Variants in GGH observed in about 807,000 individuals in gnomAD.
GGH encodes gamma-Glu-X carboxypeptidase.
GGH carries 18 observed loss-of-function variants against 39.2 expected under a neutral mutation model. The ratio of observed to expected loss-of-function variants is 0.46; its 90% CI spans 0.32 to 0.68. The LOEUF is 0.68. GGH is among the 30% of genes least tolerant of loss of function. The pLI, the probability that GGH is intolerant of heterozygous loss-of-function variation, is 0.04. For synonymous variants in GGH, 147 were observed against 138.8 expected (o/e 1.06, Z -0.42); for missense variants, 367 against 384.1 (o/e 0.96, Z 0.37).
chr8:63,034,669 C>T (rs1448710573), intron 2 of GGH, among the ~76,000 whole-genome samples: 3 of 152,138 alleles, frequency 2.0e-5, no homozygotes, highest in Non-Finnish European at 4.4e-5. Flanking sequence ...CTTATAGGAA[C>T]ATTTTATCAC....
chr8:63,022,624 G>A (rs1003629550), intron 7 of GGH, among the ~76,000 whole-genome samples: 7 of 150,700 alleles, frequency 4.6e-5, no homozygotes, highest in African/African-American at 9.7e-5. Flanking sequence ...GCACAATCTC[G>A]ACTCATTGCA....
intron 2 of GGH, among the ~76,000 whole-genome samples, chr8:63,035,038 A>G (rs1804876729): frequency 1.3e-5 from 2 of 151,364 alleles, no homozygotes; most frequent in Admixed American, 1.3e-4. Flanking sequence ...CGCCCCCCCA[A>G]CCACTTTAGA....
intron 2 of GGH, among the ~76,000 whole-genome samples, chr8:63,031,638 C>G (rs1033266912): frequency 6.6e-6 from 1 of 152,186 alleles, no homozygotes; most frequent in South Asian, 2.1e-4. Flanking sequence ...TTCATTAATT[C>G]TAAATAAATG....
At chr8:63,026,090 T>C (rs1804677997) in intron 5 of GGH, 68 bp downstream of exon 5, 1 of 1,267,502 alleles carries the variant, frequency 7.9e-7, no homozygotes, top group Non-Finnish European at 1.1e-6. Context: ...CACTTTTACT[T>C]TCATATTTGC....
rs777921792 is a variant in GGH, at chr8:63,026,185, C to A, written c.472G>T (p.Val158Leu). 1.9e-6 allele frequency: 3 copies of A among 1,605,584 alleles called. No individual in the cohort carries two copies. Among genetic ancestry groups the A allele is most frequent in the South Asian group, 1.1e-5 (1 of 88,718 alleles). Residue 158 changes from valine (V) to leucine (L), a missense_variant, in exon 5 of 9, where the codon GTG becomes TTG. By Grantham distance (32) the Val-to-Leu change is conservative. Transcript: ENST00000260118. ...CCAGTGAAGTTCAGCGGCATTGCCA[C>A]GTCAACAGTATCTGTGGCAGTTAAT... ...CLLTATDTVD[V>L]AMPLNFTGGQ...
Position 63,026,222 on chromosome 8 carries a change from A to G in GGH, c.435T>C (p.Ser145=). Residue 145 remains serine, a synonymous_variant, in exon 5 of 9, where the codon AGT becomes AGC. Transcript: ENST00000260118. The stretch of plus-strand genomic sequence containing the variant: ...CTGTGGCAGTTAATAAGCACTCTCC[A>G]CTAATCAGCAGTGAAAGCTCTTCAA... ...LGFEELSLLI[S]GECLLTATDT... is the part of the protein sequence containing the mutation. 1 of 1,611,180 alleles carries G rather than the reference A, an allele frequency of 6.2e-7. No individual in the cohort carries two copies. The highest frequency in any genetic ancestry group is 8.5e-7 in the Non-Finnish European group (1 of 1,177,960).
At chr8:63,018,495 C>G (rs1804527522) in intron 7 of GGH, among the ~76,000 whole-genome samples, 1 of 152,200 alleles carries the variant, frequency 6.6e-6, no homozygotes, top group Admixed American at 6.5e-5. Context: ...AGAGCACTGT[C>G]TGTTCTCATC....
In GGH at chr8:63,023,928, C is replaced by G; in HGVS notation, c.676G>C (p.Glu226Gln). Residue 226 changes from glutamate to glutamine, a missense_variant, in exon 7 of 9, where the codon GAG (glutamate) becomes CAG (glutamine). Physicochemically the swap from Glu to Gln is conservative, Grantham distance 29. Transcript: ENST00000260118. ...ATACCTTCCATTGTTGAAATAAACTCAATCTTGCCATCTGTATTTGTAGTT... is the reference window on the plus strand; with the variant it reads ...ATACCTTCCATTGTTGAAATAAACTGAATCTTGCCATCTGTATTTGTAGTT... ...VLTTNTDGKIEFISTMEGYKY... is the reference protein window; with the variant it reads ...VLTTNTDGKIQFISTMEGYKY... The G allele has an allele frequency of 6.3e-7, 1 of 1,581,208 alleles. No individual in the cohort carries two copies. The highest frequency in any genetic ancestry group is 8.6e-7 in the Non-Finnish European group (1 of 1,157,042).
At chr8:63,031,627 T>C (rs1804807575) in intron 2 of GGH, among the ~76,000 whole-genome samples, 1 of 152,208 alleles carries the variant, frequency 6.6e-6, no homozygotes, top group Non-Finnish European at 1.5e-5. Flanking sequence ...GTTTCAGTCA[T>C]TTCATTAATT....
chr8:63,038,591 C>CGGGGG, intron 1 of GGH, 69 bp downstream of exon 1: 2 of 695,068 alleles, frequency 2.9e-6, no homozygotes, highest in Non-Finnish European at 4.2e-6. Context: ...TGGAGCGCGG[C>CGGGGG]GGCGGGAGGC....
intron 2 of GGH, among the ~76,000 whole-genome samples, chr8:63,035,308 C>A (rs1489748213): frequency 6.6e-6 from 1 of 152,008 alleles, no homozygotes. Flanking sequence ...AGATATTAGG[C>A]AGTAATTATT....
chr8:63,032,301 G>A (rs1456800289), intron 2 of GGH, among the ~76,000 whole-genome samples: 2 of 152,168 alleles, frequency 1.3e-5, no homozygotes, highest in Non-Finnish European at 2.9e-5. Flanking sequence ...CTCCCAAAGT[G>A]CTGGGATAAT....
Position 63,030,147 on chromosome 8 carries a change from A to C in GGH, c.275+20T>G, listed in dbSNP as rs1397412364. On this transcript the variant is annotated intron_variant, in intron 3 of 8. Coordinates refer to ENST00000260118, the MANE Select transcript of GGH (RefSeq NM_003878.3). ...TGTAGACCACTCATATACCGTATGAAACCAATGCTGCCAACTTACCCATTA... is the reference window on the plus strand; with the variant it reads ...TGTAGACCACTCATATACCGTATGACACCAATGCTGCCAACTTACCCATTA... 8.5e-7 allele frequency: 1 copy of C among 1,175,806 alleles called. No individual in the cohort carries two copies. 72.8% of individuals were successfully genotyped at this position (1,175,806 alleles called of 1,614,324 possible). A position where few individuals can be genotyped will look rare whatever the true frequency, so the allele number is the denominator to read the frequency against.
At chr8:63,019,048 T>C (rs369055229) in intron 7 of GGH, among the ~76,000 whole-genome samples, 9 of 152,106 alleles carry the variant, frequency 5.9e-5, no homozygotes, top group African/African-American at 1.7e-4. Flanking sequence ...GCAGAAAAAA[T>C]AGCAAATTTA....
At chr8:63,029,065 C>A (rs1804752756) in intron 3 of GGH, among the ~76,000 whole-genome samples, 1 of 152,080 alleles carries the variant, frequency 6.6e-6, no homozygotes, top group South Asian at 2.1e-4. Context: ...AAATAATTTT[C>A]TAAACATAGC....
chr8:63,033,324 G>A (rs1261388317), intron 2 of GGH, among the ~76,000 whole-genome samples: 1 of 152,154 alleles, frequency 6.6e-6, no homozygotes, highest in Non-Finnish European at 1.5e-5. Context: ...AGAAGGACTG[G>A]TATCAATTCT....
chr8:63,029,308 A>G (rs1388286295), intron 3 of GGH, among the ~76,000 whole-genome samples: 1 of 152,148 alleles, frequency 6.6e-6, no homozygotes, highest in African/African-American at 2.4e-5. Context: ...CCTTTTTCAC[A>G]TAACACTATC....
chr8:63,015,430 TA>T lies in GGH; in HGVS notation c.858del (p.Phe286LeufsTer11). ...VNEARKNNHHFKSESEEEKAL... is the reference protein window; with the variant it reads ...VNEARKNNHHXKSESEEEKAL... ...GCTTTCTCCTCTTCAGATTCAGATT[TA>T]AAATGATGGTTGTTTTTCCGAGCTG... On this transcript the variant is annotated frameshift_variant, in exon 9 of 9. Coordinates refer to ENST00000260118, the MANE Select transcript of GGH (RefSeq NM_003878.3). LOFTEE classifies it high-confidence loss of function. The T allele has an allele frequency of 6.5e-7, 1 of 1,538,222 alleles. No homozygotes were observed. The highest frequency in any genetic ancestry group is 8.9e-7 in the Non-Finnish European group (1 of 1,127,650).
At chr8:63,021,534 G>T (rs761302467) in intron 7 of GGH, among the ~76,000 whole-genome samples, 12 of 152,172 alleles carry the variant, frequency 7.9e-5, no homozygotes, top group Non-Finnish European at 1.6e-4. Context: ...AATCTGATGG[G>T]TATAAATGGT....
Sources: gnomAD v4.1 joint callset for allele counts (sites outside exome capture counted in the v4.1 genomes callset) on GRCh38, gnomAD v4.1.1 for gene constraint, MANE v1.5 for transcripts, NCBI Gene and HGNC (gene_info 2026-07-23, HGNC 2026-07-21) for gene names.